GARNL3: variants seen among roughly 807,000 people sequenced by gnomAD.
GARNL3 encodes the protein GTPase activating Rap/RanGAP domain like 3.
Under a neutral mutation model 125.0 loss-of-function variants are expected in GARNL3, and 63 were observed. The observed-to-expected ratio is 0.50, with a 90% confidence interval of 0.41 to 0.62. The LOEUF (loss-of-function observed/expected upper bound fraction) is 0.62. Ranked by LOEUF, GARNL3 falls within the 20% of genes least tolerant of loss-of-function variation. The pLI is 0.00. For synonymous variants in GARNL3, 439 were observed against 457.5 expected (o/e 0.96, Z 0.52); for missense variants, 994 against 1,244.0 (o/e 0.80, Z 3.02).
chr9:127,299,554 A>AT, intron 2 of GARNL3, among the ~76,000 whole-genome samples: 1 of 151,388 alleles, frequency 6.6e-6, no homozygotes, highest in East Asian at 2.0e-4. Flanking sequence ...CGCCTGGCTA[A>AT]TTTTTTTGTT....
intron 22 of GARNL3, among the ~76,000 whole-genome samples, chr9:127,371,847 T>C (rs1831623912): frequency 6.6e-6 from 1 of 152,238 alleles, no homozygotes; most frequent in Admixed American, 6.5e-5. Flanking sequence ...GGTAAATTGA[T>C]TTTTGACAAA....
At chr9:127,251,143 A>G (rs1181674482) in intron 2 of GARNL3, among the ~76,000 whole-genome samples, 1 of 152,192 alleles carries the variant, frequency 6.6e-6, no homozygotes, top group Non-Finnish European at 1.5e-5. Flanking sequence ...CAGTGCTTTT[A>G]AGAGGCAAAA....
At chr9:127,352,154 T>C (rs146501074) in intron 17 of GARNL3, among the ~76,000 whole-genome samples, 112 of 152,364 alleles carry the variant, frequency 7.4e-4, no homozygotes, top group Non-Finnish European at 1.4e-3. Flanking sequence ...ACATCCCATT[T>C]TATGTTCCAA....
At chr9:127,381,177 C>T (rs1423811110) in intron 22 of GARNL3, among the ~76,000 whole-genome samples, 1 of 152,078 alleles carries the variant, frequency 6.6e-6, no homozygotes, top group Non-Finnish European at 1.5e-5. Context: ...TACACCTGCC[C>T]GAATTGTACC....
intron 21 of GARNL3, among the ~76,000 whole-genome samples, chr9:127,357,782 TAAA>T (rs59319315): frequency 6.8e-6 from 1 of 147,204 alleles, no homozygotes; most frequent in African/African-American, 2.5e-5. Flanking sequence ...TATTTAAAAT[TAAA>T]AAAAAAAAAA....
chr9:127,387,658 A>C (rs927170777), intron 25 of GARNL3, among the ~76,000 whole-genome samples: 5 of 150,438 alleles, frequency 3.3e-5, no homozygotes, highest in African/African-American at 9.8e-5. Context: ...CAGGAGAATC[A>C]CTTGACCCTG....
chr9:127,231,050 A>ATATATATATTTTT (rs1161629810), intron 1 of GARNL3, among the ~76,000 whole-genome samples: 2 of 89,548 alleles, frequency 2.2e-5, no homozygotes, highest in African/African-American at 1.6e-4. Context: ...ATATATATAT[A>ATATATATATTTTT]TTTTTTTTTT....
chr9:127,246,932 T>C (rs1359355001), intron 2 of GARNL3, among the ~76,000 whole-genome samples: 1 of 16,816 alleles, frequency 5.9e-5, no homozygotes, highest in African/African-American at 1.4e-4. Context: ...ACCTTCCTTC[T>C]TTTTTTTTTT....
At chr9:127,259,905 G>A (rs568711017), upstream of GARNL3, among the ~76,000 whole-genome samples, 1 of 152,050 alleles carries the variant, frequency 6.6e-6, no homozygotes, top group East Asian at 1.9e-4. Flanking sequence ...AAATTAACCA[G>A]GCATGTAGTC....
chr9:127,331,720 C>CTTGTTTTTTTTTTTTTTT (rs367597623), intron 7 of GARNL3, among the ~76,000 whole-genome samples: 2 of 74,412 alleles, frequency 2.7e-5, no homozygotes, highest in Non-Finnish European at 5.0e-5. Context: ...CTTGGGCTTG[C>CTTGTTTTTTTTTTTTTTT]TTTTTTTTTT....
intron 1 of GARNL3, among the ~76,000 whole-genome samples, chr9:127,228,669 G>A (rs1039375668): frequency 6.6e-6 from 1 of 151,998 alleles, no homozygotes; most frequent in Admixed American, 6.6e-5. Flanking sequence ...TATTTATTAA[G>A]GAAATTAATT....
chr9:127,361,502 C>A (rs1830996362), intron 21 of GARNL3, among the ~76,000 whole-genome samples: 1 of 152,176 alleles, frequency 6.6e-6, no homozygotes, highest in African/African-American at 2.4e-5. Context: ...GAGCAAGAAC[C>A]CCACCAGGCC....
intron 27 of GARNL3, among the ~76,000 whole-genome samples, chr9:127,391,466 G>A (rs1832832561): frequency 7.3e-6 from 1 of 137,926 alleles, no homozygotes; most frequent in African/African-American, 2.6e-5. Context: ...AGAAGAGAAG[G>A]TCACATGAGC....
chr9:127,336,081 C>T (rs746755322), intron 10 of GARNL3, 47 bp from the exon 11 acceptor site: 15 of 1,333,680 alleles, frequency 1.1e-5, no homozygotes, highest in South Asian at 1.2e-5. Flanking sequence ...TGTGAATGTG[C>T]CATGTTTGAG....
At chr9:127,371,884 TA>T (rs1488152675) in intron 22 of GARNL3, among the ~76,000 whole-genome samples, 1 of 152,166 alleles carries the variant, frequency 6.6e-6, no homozygotes, top group Middle Eastern at 3.2e-3. Context: ...AATAGCAAAA[TA>T]AGAGTCTTTT....
chr9:127,292,187 C>T (rs2064442662), intron 2 of GARNL3, among the ~76,000 whole-genome samples: 1 of 152,212 alleles, frequency 6.6e-6, no homozygotes, highest in Non-Finnish European at 1.5e-5. Flanking sequence ...CACTCTTGGC[C>T]TTAGCCATGT....
chr9:127,321,582 AG>A (rs1436126054), intron 6 of GARNL3, among the ~76,000 whole-genome samples: 12 of 152,334 alleles, frequency 7.9e-5, no homozygotes, highest in Middle Eastern at 3.4e-3. Context: ...AATCTGCCTT[AG>A]GAGAGAAAAA....
chr9:127,274,584 C>T (rs1378089900), intron 1 of GARNL3, among the ~76,000 whole-genome samples: 2 of 152,150 alleles, frequency 1.3e-5, no homozygotes, highest in Non-Finnish European at 2.9e-5. Flanking sequence ...CCTCTCTGCG[C>T]CTCTGTGCTG....
intron 2 of GARNL3, among the ~76,000 whole-genome samples, chr9:127,297,609 C>A (rs532911571): frequency 1.8e-3 from 270 of 152,304 alleles, no homozygotes; most frequent in African/African-American, 5.9e-3. Context: ...TTGATATAGG[C>A]ACATAGACAT....
Sources: gnomAD v4.1 joint callset for allele counts (sites outside exome capture counted in the v4.1 genomes callset) on GRCh38, gnomAD v4.1.1 for gene constraint, MANE v1.5 for transcripts, NCBI Gene and HGNC (gene_info 2026-07-23, HGNC 2026-07-21) for gene names.